Variants in ESRRG observed in about 807,000 individuals in gnomAD.
ESRRG encodes estrogen related receptor gamma, also known as estrogen-related receptor gamma.
Under a neutral mutation model 44.0 loss-of-function variants are expected in ESRRG, and 13 were observed. That is an observed-to-expected ratio of 0.30 (90% CI 0.19 to 0.47). The LOEUF (loss-of-function observed/expected upper bound fraction) is 0.47, where lower values mean the gene tolerates loss of function less well. ESRRG is among the 20% of genes least tolerant of loss of function. The pLI is 1.00. For synonymous variants in ESRRG, 215 were observed against 214.6 expected (o/e 1.00, Z -0.02); for missense variants, 395 against 580.6 (o/e 0.68, Z 3.29).
At chr1:216,556,357 C>A (rs1371521813) in intron 5 of ESRRG, among the ~76,000 whole-genome samples, 1 of 152,120 alleles carries the variant, frequency 6.6e-6, no homozygotes, top group Admixed American at 6.6e-5. Flanking sequence ...TGAGCTCATC[C>A]TGTCACTTTA....
chr1:216,586,464 C>T (rs1296296335), intron 3 of ESRRG, among the ~76,000 whole-genome samples: 2 of 151,876 alleles, frequency 1.3e-5, no homozygotes, highest in Non-Finnish European at 2.9e-5. Context: ...GAGGAATGGG[C>T]TAATTATTTC....
At chr1:216,948,208 A>G (rs2066369896) in intron 1 of ESRRG, among the ~76,000 whole-genome samples, 1 of 152,118 alleles carries the variant, frequency 6.6e-6, no homozygotes, top group African/African-American at 2.4e-5. Flanking sequence ...AATTCCTCCC[A>G]CCAGCTACTA....
intron 3 of ESRRG, among the ~76,000 whole-genome samples, chr1:216,590,917 G>C (rs1013157722): frequency 6.6e-6 from 1 of 152,100 alleles, no homozygotes; most frequent in Admixed American, 6.6e-5. Flanking sequence ...ACTGACACAT[G>C]ACCACAACCC....
chr1:216,785,511 A>G (rs953969821), intron 2 of ESRRG, among the ~76,000 whole-genome samples: 4 of 152,020 alleles, frequency 2.6e-5, no homozygotes, highest in African/African-American at 9.7e-5. Context: ...ACCTCTGAGC[A>G]GTAGGAATTT....
chr1:216,611,085 C>A (rs1417119939), intron 3 of ESRRG, among the ~76,000 whole-genome samples: 1 of 151,756 alleles, frequency 6.6e-6, no homozygotes, highest in Admixed American at 6.6e-5. Context: ...TGCCTGTAAT[C>A]CCAGCTACTC....
chr1:217,021,450 A>T (rs1324429054), intron 1 of ESRRG, among the ~76,000 whole-genome samples: 1 of 152,358 alleles, frequency 6.6e-6, no homozygotes. Flanking sequence ...AGTGGCACAG[A>T]TGCCCTGCAC....
At chr1:216,933,818 G>A (rs191651084) in intron 2 of ESRRG, among the ~76,000 whole-genome samples, 1 of 152,164 alleles carries the variant, frequency 6.6e-6, no homozygotes, top group Non-Finnish European at 1.5e-5. Flanking sequence ...TCTGCTTCAA[G>A]AGCTCTGCAC....
intron 1 of ESRRG, among the ~76,000 whole-genome samples, chr1:217,104,604 G>T (rs780658468): frequency 6.6e-6 from 1 of 152,140 alleles, no homozygotes; most frequent in East Asian, 1.9e-4. Context: ...AAATGAGAGT[G>T]AGATATCCTC....
At chr1:216,809,087 C>T (rs2094888726) in intron 2 of ESRRG, among the ~76,000 whole-genome samples, 1 of 152,114 alleles carries the variant, frequency 6.6e-6, no homozygotes. Context: ...ACTACCTCAT[C>T]AAGTTCTCAT....
At chr1:217,018,008 G>A (rs1386169319) in intron 1 of ESRRG, among the ~76,000 whole-genome samples, 1 of 152,128 alleles carries the variant, frequency 6.6e-6, no homozygotes, top group African/African-American at 2.4e-5. Context: ...GTGGCCAAAT[G>A]TATAAAACGA....
rs116354324 is a variant in ESRRG, at chr1:217,015,010, A to G, written c.-106+74497T>C. On this transcript the variant is annotated intron_variant, in intron 1 of 7. Transcript: ENST00000359162. ...ATCACTTAGAAAAATGACCAAAAAA[A>G]GCAGAAACCCCATTGAACAATCTGC... Among the ~76,000 whole-genome samples the G allele has an allele frequency of 2.2e-3, 342 of 152,322 alleles. 1 individual carries two copies. The highest frequency in any genetic ancestry group is 7.7e-3 in the African/African-American group (321 of 41,580).
chr1:217,075,764 A>T (rs928612065), intron 1 of ESRRG, among the ~76,000 whole-genome samples: 6 of 152,166 alleles, frequency 3.9e-5, no homozygotes, highest in African/African-American at 1.2e-4. Context: ...GATTGATTTT[A>T]AAAAAAGCTT....
chr1:216,919,185 C>T (rs2061534258), intron 2 of ESRRG, among the ~76,000 whole-genome samples: 1 of 152,112 alleles, frequency 6.6e-6, no homozygotes, highest in Non-Finnish European at 1.5e-5. Context: ...CTTTGAAACT[C>T]ACAAACGGGA....
intron 1 of ESRRG, among the ~76,000 whole-genome samples, chr1:217,001,714 T>A (rs1579311520): frequency 6.7e-6 from 1 of 150,078 alleles, no homozygotes; most frequent in South Asian, 2.1e-4. Flanking sequence ...AGGAGAGGAG[T>A]TAGAGTGGAG....
intron 5 of ESRRG, among the ~76,000 whole-genome samples, chr1:216,547,036 T>C (rs761386418): frequency 2.6e-5 from 4 of 151,968 alleles, no homozygotes; most frequent in Non-Finnish European, 5.9e-5. Context: ...CTCCCACTTA[T>C]GAGTGGGTGA....
chr1:216,810,253 G>C (rs906852424), intron 2 of ESRRG, among the ~76,000 whole-genome samples: 15 of 152,068 alleles, frequency 9.9e-5, no homozygotes, highest in African/African-American at 3.6e-4. Flanking sequence ...TGGCAGAAAC[G>C]CTTGGCCCTT....
intron 2 of ESRRG, among the ~76,000 whole-genome samples, chr1:216,794,411 A>G (rs940183658): frequency 5.9e-5 from 9 of 152,306 alleles, no homozygotes; most frequent in Admixed American, 2.0e-4. Flanking sequence ...AGCAGGAGTT[A>G]GTTCTGATAG....
intron 2 of ESRRG, among the ~76,000 whole-genome samples, chr1:216,856,352 A>AACACACACACACACACACAC (rs5780935): frequency 1.7e-4 from 24 of 141,980 alleles, no homozygotes; most frequent in African/African-American, 2.3e-4. Flanking sequence ...TTCTCTCTTC[A>AACACACACACACACACACAC]ACACACACAC....
intron 6 of ESRRG, among the ~76,000 whole-genome samples, chr1:216,516,668 C>CAG (rs869054150): frequency 1.5e-3 from 207 of 137,202 alleles, no homozygotes; most frequent in African/African-American, 3.7e-3. Flanking sequence ...CACACACACA[C>CAG]AGAGAGAGAG....
Sources: allele counts gnomAD v4.1 joint callset (sites outside exome capture counted in the v4.1 genomes callset), GRCh38; gene constraint gnomAD v4.1.1; transcripts MANE v1.5; gene names NCBI Gene and HGNC (gene_info 2026-07-23, HGNC 2026-07-21).